The following PSMA3 variants were observed in gnomAD, a reference collection of about 807,000 sequenced individuals.
PSMA3 encodes the protein proteasome 20S subunit alpha 3.
PSMA3 carries 8 observed loss-of-function variants against 40.0 expected under a neutral mutation model. The observed-to-expected ratio is 0.20, with a 90% confidence interval of 0.12 to 0.36. The LOEUF is 0.36. Ranked by LOEUF, PSMA3 falls within the 10% of genes least tolerant of loss-of-function variation. The pLI is 1.00. For missense variants in PSMA3, 219 were observed against 310.6 expected (o/e 0.70, Z 2.22); for synonymous variants, 110 against 100.0 (o/e 1.10, Z -0.59).
intron 10 of PSMA3, among the ~76,000 whole-genome samples, chr14:58,271,440 C>CT (rs1264377920): frequency 2.6e-5 from 4 of 151,300 alleles, no homozygotes; most frequent in Non-Finnish European, 5.9e-5. Context: ...AGCGATCCTC[C>CT]TGCCTCCGCC....
At chr14:58,270,877 A>AAGTT in intron 9 of PSMA3, 57 bp from the exon 10 acceptor site, 1 of 1,406,420 alleles carries the variant, frequency 7.1e-7, no homozygotes, top group Non-Finnish European at 9.9e-7. Context: ...GGTATACTGC[A>AAGTT]AGTTACAATA....
intron 2 of PSMA3, 82 bp downstream of exon 2, chr14:58,247,914 G>C (rs753695299): frequency 7.8e-5 from 67 of 855,370 alleles, no homozygotes; most frequent in Non-Finnish European, 1.1e-4. Flanking sequence ...TGTTACTTTG[G>C]TACAAATTAG....
At chr14:58,260,555 AGAAT>A (rs1486437361) in intron 5 of PSMA3, among the ~76,000 whole-genome samples, 1 of 152,218 alleles carries the variant, frequency 6.6e-6, no homozygotes, top group East Asian at 1.9e-4. Context: ...ATTGGGAAAT[AGAAT>A]GAAGGGTGGA....
At chr14:58,258,171 CTCAAGCCTGT>C (rs1890190161) in intron 5 of PSMA3, 173 bp downstream of exon 5, 2 of 556,672 alleles carry the variant, frequency 3.6e-6, no homozygotes, top group East Asian at 5.7e-5. Context: ...GGTGCCATGG[CTCAAGCCTGT>C]AATCCCAGTA....
rs754317912 is a variant in PSMA3, at chr14:58,244,903, C to T, written c.-18C>T. The T allele has an allele frequency of 6.2e-6, 10 of 1,614,026 alleles. No homozygotes were observed. The East Asian group carries it at 1.8e-4, about 29-fold the overall frequency. ...CTCCGGGCCTGGAATCCCTACGCGT[C>T]CCTTTGGGTTTAGCACGATGAGCTC... On this transcript the variant is annotated 5_prime_UTR_variant, in exon 1 of 11. Coordinates refer to ENST00000216455, the MANE Select transcript of PSMA3 (RefSeq NM_002788.4).
chr14:58,261,535 TGTTA>T (rs1169599739), intron 6 of PSMA3, among the ~76,000 whole-genome samples: 2 of 152,190 alleles, frequency 1.3e-5, no homozygotes, highest in Non-Finnish European at 2.9e-5. Context: ...TTTTTCAGTA[TGTTA>T]TTTATAGAAA....
chr14:58,255,718 G>A (rs755362028), intron 3 of PSMA3, among the ~76,000 whole-genome samples: 3 of 152,124 alleles, frequency 2.0e-5, no homozygotes, highest in East Asian at 1.9e-4. Flanking sequence ...GCGGTGAGCC[G>A]CGATTGCACC....
At chr14:58,268,621 T>G (rs939623682) in intron 8 of PSMA3, 1 of 152,196 alleles carries the variant, frequency 6.6e-6, no homozygotes, top group Non-Finnish European at 1.5e-5. Flanking sequence ...ATATCTTCCT[T>G]GAATTGTATA....
rs1399493297 is a variant in PSMA3, at chr14:58,257,922, T to C, written c.331-3T>C. On this transcript the variant is annotated splice_polypyrimidine_tract_variant and splice_region_variant and intron_variant, in intron 4 of 10. Transcript: ENST00000216455. ...TAATAAGCTCTTCTGCTTCCCTCCA[T>C]AGCATCTTGCAGACAGAGTGGCCAT... is the stretch of plus-strand genomic sequence containing the variant. 6.2e-7 allele frequency: 1 copy of C among 1,613,644 alleles called. No homozygotes were observed. Among genetic ancestry groups the C allele is most frequent in the Non-Finnish European group, 8.5e-7 (1 of 1,179,652 alleles).
chr14:58,267,451 A>G (rs1486086463), intron 7 of PSMA3, 23 bp from the exon 8 acceptor site: 3 of 1,522,156 alleles, frequency 2.0e-6, no homozygotes, highest in South Asian at 1.4e-5. Flanking sequence ...TCTGATGAAC[A>G]GTATACATTT....
intron 3 of PSMA3, among the ~76,000 whole-genome samples, chr14:58,255,857 T>A (rs1161859517): frequency 6.6e-6 from 1 of 152,126 alleles, no homozygotes; most frequent in African/African-American, 2.4e-5. Flanking sequence ...CAATTCTGTT[T>A]TTGTTTTTGT....
At chr14:58,262,223 C>T (rs1375775569) in intron 6 of PSMA3, among the ~76,000 whole-genome samples, 4 of 151,878 alleles carry the variant, frequency 2.6e-5, no homozygotes, top group Admixed American at 6.6e-5. Context: ...GCCACAGTGC[C>T]GGACCTAATT....
chr14:58,246,166 G>C (rs1889875616), intron 1 of PSMA3, among the ~76,000 whole-genome samples: 1 of 152,210 alleles, frequency 6.6e-6, no homozygotes, highest in East Asian at 1.9e-4. Flanking sequence ...TTTCTCCCAA[G>C]AACTCCAGAT....
intron 3 of PSMA3, among the ~76,000 whole-genome samples, chr14:58,254,348 G>A (rs376977407): frequency 0.037 from 368 of 9,978 alleles, no homozygotes; most frequent in South Asian, 0.052. Flanking sequence ...ATATATGTAT[G>A]TACACACACA....
At chr14:58,267,177 T>C (rs908998172) in intron 7 of PSMA3, 1 of 197,068 alleles carries the variant, frequency 5.1e-6, no homozygotes, top group Non-Finnish European at 9.5e-6. Context: ...TCTTTTGTAT[T>C]TTTAAGTAGA....
chr14:58,268,719 T>G (rs1031358462), intron 8 of PSMA3: 38 of 152,220 alleles, frequency 2.5e-4, no homozygotes, highest in Non-Finnish European at 1.5e-5. Context: ...CTTTTATATT[T>G]AGGTATAATG....
At position 58,257,810 on chromosome 14, in the gene PSMA3, C is replaced by T. The variant is rs762729095; in HGVS notation, c.294C>T (p.Asn98=). Residue 98 remains asparagine (N), a synonymous_variant, in exon 4 of 11, where the codon AAC becomes AAT. Transcript: ENST00000216455. ...ACATAGCAAGAGAAGAAGCTTCCAACTTCAGATCTAACTTTGGCTACAACA... is the reference window on the plus strand; with the variant it reads ...ACATAGCAAGAGAAGAAGCTTCCAATTTCAGATCTAACTTTGGCTACAACA... ...LADIAREEAS[N]FRSNFGYNIP... 3 of 1,613,452 alleles carry T rather than the reference C, an allele frequency of 1.9e-6. No individual in the cohort carries two copies. The highest frequency in any genetic ancestry group is 2.2e-5 in the East Asian group (1 of 44,828).
At chr14:58,251,703 C>T (rs1242723003) in intron 2 of PSMA3, among the ~76,000 whole-genome samples, 1 of 152,108 alleles carries the variant, frequency 6.6e-6, no homozygotes, top group Non-Finnish European at 1.5e-5. Flanking sequence ...AAGAATAAAT[C>T]ATAATCCTTC....
At chr14:58,269,044 C>T (rs960777017) in intron 8 of PSMA3, among the ~76,000 whole-genome samples, 5 of 152,052 alleles carry the variant, frequency 3.3e-5, no homozygotes, top group Non-Finnish European at 5.9e-5. Flanking sequence ...AAGCAATTCT[C>T]CTGCATCAGC....
Sources: gnomAD v4.1 joint callset for allele counts (sites outside exome capture counted in the v4.1 genomes callset) on GRCh38, gnomAD v4.1.1 for gene constraint, MANE v1.5 for transcripts, NCBI Gene and HGNC (gene_info 2026-07-23, HGNC 2026-07-21) for gene names.